COLEC11: variants seen among roughly 807,000 people sequenced by gnomAD.
The protein encoded by COLEC11 is collectin-11.
In COLEC11, 20 loss-of-function variants were observed where a neutral mutation model predicts 27.3. That is an observed-to-expected ratio of 0.73 (90% CI 0.51 to 1.06). COLEC11 has a LOEUF of 1.06. COLEC11 is among the 50% of genes least tolerant of loss of function. COLEC11 has a pLI of 0.00. For synonymous variants in COLEC11, 163 were observed against 154.7 expected (o/e 1.05, Z -0.40); for missense variants, 310 against 383.0 (o/e 0.81, Z 1.59).
At chr2:3,638,686 C>T (rs929286766) in intron 4 of COLEC11, among the ~76,000 whole-genome samples, 11 of 152,140 alleles carry the variant, frequency 7.2e-5, no homozygotes, top group African/African-American at 2.4e-4. Context: ...AGCTCAGCTG[C>T]GGGCCTCCCC....
chr2:3,641,219 TA>T (rs1263258954), intron 5 of COLEC11: 3 of 1,304,154 alleles, frequency 2.3e-6, no homozygotes, highest in African/African-American at 3.0e-5. Flanking sequence ...GATTTCTGAA[TA>T]AAAGTCCTTG....
In COLEC11 at chr2:3,615,848, AGGGGCTGCCCCCCACCTCCCTCCCGGACG is replaced by A. The variant is rs1558498987; in HGVS notation, c.202+2467_202+2495del. On this transcript the variant is annotated intron_variant, in intron 3 of 6. Coordinates refer to ENST00000349077, the MANE Select transcript of COLEC11 (RefSeq NM_024027.5). ...TCCCGGACGCGGCGGCTGGCCGGGCAGGGGCTGCCCCCCACCTCCCTCCCGGACGCGGCGGCTGGCCGGGCGGGGGCTGC... is the reference window on the plus strand; with the variant it reads ...TCCCGGACGCGGCGGCTGGCCGGGCACGGCGGCTGGCCGGGCGGGGGCTGC... 1.4e-3 allele frequency among the ~76,000 whole-genome samples: 26 copies of A among 18,068 alleles called. No individual in the cohort carries two copies. In the East Asian group the frequency reaches 0.041, roughly 28 times the overall value. 11.9% of individuals were successfully genotyped at this position (18,068 alleles called of 152,430 possible).
intron 3 of COLEC11, among the ~76,000 whole-genome samples, chr2:3,614,314 C>G (rs1663488019): frequency 6.6e-6 from 1 of 152,024 alleles, no homozygotes; most frequent in Non-Finnish European, 1.5e-5. Context: ...AGCCAACCCC[C>G]CAACCAATCT....
At chr2:3,605,832 G>C (rs915034244) in intron 2 of COLEC11, 4 of 398,396 alleles carry the variant, frequency 1.0e-5, no homozygotes, top group Non-Finnish European at 1.8e-5. Context: ...CCGGGGCACA[G>C]GGTCCGGACA....
intron 1 of COLEC11, among the ~76,000 whole-genome samples, chr2:3,603,161 C>G (rs1218914614): frequency 2.0e-5 from 3 of 152,172 alleles, no homozygotes. Context: ...CTCGCCACGG[C>G]TCTTTATCAG....
At chr2:3,641,489 C>T (rs559654726) in intron 5 of COLEC11, 6 of 1,179,824 alleles carry the variant, frequency 5.1e-6, no homozygotes, top group African/African-American at 3.2e-5. Context: ...GAGCTGCTAT[C>T]GTCAGGCCTA....
intron 3 of COLEC11, among the ~76,000 whole-genome samples, chr2:3,621,988 C>G (rs1664220872): frequency 6.6e-6 from 1 of 151,802 alleles, no homozygotes; most frequent in African/African-American, 2.4e-5. Context: ...ACCAGCCTGG[C>G]CAGCATGGTG....
intron 4 of COLEC11, 149 bp from the exon 5 acceptor site, chr2:3,640,129 A>G (rs1572476225): frequency 1.4e-6 from 1 of 693,830 alleles, no homozygotes; most frequent in African/African-American, 1.8e-5. Flanking sequence ...AGCAGGAATT[A>G]CCTGCAGAAT....
chr2:3,644,248 C>A lies in COLEC11; in HGVS notation c.*130C>A. The stretch of plus-strand genomic sequence containing the variant: ...GGGTGGAGGCTCACTGAGTAGAGGG[C>A]TGTTGTCTAAACTGAGAAAATGGCC... On this transcript the variant is annotated 3_prime_UTR_variant, in exon 7 of 7. Transcript: ENST00000349077. 2 of 1,173,618 alleles carry A rather than the reference C, an allele frequency of 1.7e-6. No homozygotes were observed. Among genetic ancestry groups the A allele is most frequent in the Non-Finnish European group, 2.5e-6 (2 of 806,962 alleles). The allele number at this position is 1,173,618 out of a possible 1,614,324, so 72.7% of individuals were successfully genotyped here.
intron 2 of COLEC11, among the ~76,000 whole-genome samples, chr2:3,612,000 T>G (rs1663233534): frequency 6.8e-6 from 1 of 147,704 alleles, no homozygotes; most frequent in Non-Finnish European, 1.5e-5. Flanking sequence ...TATATAGGGT[T>G]GTTTTGTATA....
At chr2:3,614,834 G>A (rs563001830) in intron 3 of COLEC11, among the ~76,000 whole-genome samples, 217 of 152,204 alleles carry the variant, frequency 1.4e-3, no homozygotes, top group Middle Eastern at 0.01. Context: ...AGAACACAAA[G>A]ATAAAAACAA....
At chr2:3,636,420 A>G (rs1665421800) in intron 3 of COLEC11, among the ~76,000 whole-genome samples, 1 of 152,078 alleles carries the variant, frequency 6.6e-6, no homozygotes. Context: ...GCGCCACTGC[A>G]CTCCAGCCTG....
At chr2:3,613,554 G>C (rs116622425) in intron 3 of COLEC11, among the ~76,000 whole-genome samples, 172 bp downstream of exon 3, 3,599 of 152,154 alleles carry the variant, frequency 0.024, 151 homozygotes, top group African/African-American at 0.08. Flanking sequence ...GGGGAGAGTG[G>C]TCCTTCAGCA....
At chr2:3,629,988 G>T (rs950536641) in intron 3 of COLEC11, among the ~76,000 whole-genome samples, 1 of 152,170 alleles carries the variant, frequency 6.6e-6, no homozygotes, top group Non-Finnish European at 1.5e-5. Context: ...ATACATAAAT[G>T]CATGAATGTG....
chr2:3,618,329 G>A (rs894113143), intron 3 of COLEC11, among the ~76,000 whole-genome samples: 11 of 152,128 alleles, frequency 7.2e-5, no homozygotes, highest in African/African-American at 2.7e-4. Flanking sequence ...GTGATTTCAG[G>A]TATTACATTT....
chr2:3,639,989 T>C (rs999723882), intron 4 of COLEC11, among the ~76,000 whole-genome samples: 2 of 152,216 alleles, frequency 1.3e-5, no homozygotes, highest in Non-Finnish European at 1.5e-5. Flanking sequence ...CAGGGATTCA[T>C]GAGGCGATGT....
At chr2:3,638,862 T>C (rs1665640092) in intron 4 of COLEC11, among the ~76,000 whole-genome samples, 1 of 152,228 alleles carries the variant, frequency 6.6e-6, no homozygotes, top group South Asian at 2.1e-4. Context: ...AAGTGTACAA[T>C]TCAGGGACAT....
At chr2:3,623,393 C>T (rs966927881) in intron 3 of COLEC11, among the ~76,000 whole-genome samples, 5 of 152,122 alleles carry the variant, frequency 3.3e-5, no homozygotes, top group African/African-American at 1.2e-4. Flanking sequence ...TAGCTTCTCT[C>T]TATATTCTCC....
chr2:3,606,093 T>C, intron 2 of COLEC11: 6 of 1,550,562 alleles, frequency 3.9e-6, no homozygotes, highest in Non-Finnish European at 4.4e-6. Context: ...GACTTTGTGG[T>C]AGCGTGTGTG....
Sources: gnomAD v4.1 joint callset for allele counts (sites outside exome capture counted in the v4.1 genomes callset) on GRCh38, gnomAD v4.1.1 for gene constraint, MANE v1.5 for transcripts, NCBI Gene and HGNC (gene_info 2026-07-23, HGNC 2026-07-21) for gene names.